VCAN: variants seen among roughly 807,000 people sequenced by gnomAD.
VCAN encodes the protein versican, also known as versican core protein.
Under a neutral mutation model 245.5 loss-of-function variants are expected in VCAN, and 44 were observed. The ratio of observed to expected loss-of-function variants is 0.18; its 90% CI spans 0.14 to 0.23. The LOEUF is 0.23. Ranked by LOEUF, VCAN falls within the 10% of genes least tolerant of loss-of-function variation. VCAN has a pLI of 1.00. For missense variants in VCAN, 3,793 were observed against 4,057.9 expected (o/e 0.93, Z 1.77); for synonymous variants, 1,413 against 1,437.0 (o/e 0.98, Z 0.38).
chr5:83,490,226 T>G lies in VCAN; in HGVS notation c.199T>G (p.Ser67Ala). ...NTSEFLRIKW[S>A]KIEVDKNGKD... Reference sequence around the variant, plus strand: ...CAGTGAATTTCTCCGCATCAAATGGTCTAAGATTGAAGTGGACAAAAATGG... The same window carrying G: ...CAGTGAATTTCTCCGCATCAAATGGGCTAAGATTGAAGTGGACAAAAATGG... The change falls in exon 3 of 15, where the codon TCT becomes GCT. Residue 67 changes from serine to alanine, a missense_variant. Around this residue, in one of 5 missense-constraint regions of VCAN, gnomAD observed 179 missense variants for 169.7 expected, o/e 1.05. Transcript: ENST00000265077. 6.2e-7 allele frequency: 1 copy of G among 1,614,100 alleles called. No individual in the cohort carries two copies. The highest frequency in any genetic ancestry group is 8.5e-7 in the Non-Finnish European group (1 of 1,180,012).
chr5:83,494,351 C>G (rs1417692112), intron 5 of VCAN, among the ~76,000 whole-genome samples: 1 of 152,192 alleles, frequency 6.6e-6, no homozygotes, highest in Non-Finnish European at 1.5e-5. Flanking sequence ...ACTAGCCCAG[C>G]AGGAATTTTC....
chr5:83,490,055 G>A (rs1744925655), intron 2 of VCAN, 43 bp from the exon 3 acceptor site: 2 of 1,611,196 alleles, frequency 1.2e-6, no homozygotes. Context: ...ATTAAGTTTG[G>A]GTTTTTTAAG....
At chr5:83,551,248 C>T (rs1254971138) in intron 10 of VCAN, among the ~76,000 whole-genome samples, 1 of 152,016 alleles carries the variant, frequency 6.6e-6, no homozygotes, top group Non-Finnish European at 1.5e-5. Context: ...CGATAGCTCA[C>T]GCCTATAATC....
intron 12 of VCAN, among the ~76,000 whole-genome samples, chr5:83,558,205 G>A (rs951760232): frequency 1.3e-5 from 2 of 152,142 alleles, no homozygotes; most frequent in East Asian, 1.9e-4. Context: ...TCCCCTTAAC[G>A]GGTTCCATAT....
At position 83,520,430 on chromosome 5, in the gene VCAN, T is replaced by C. The variant is rs1042158458; in HGVS notation, c.2124T>C (p.Thr708=). The change falls in exon 7 of 15, where the codon ACT becomes ACC. Residue 708 remains threonine, a synonymous_variant. Transcript: ENST00000265077. The part of the protein sequence containing the change: ...TYTDEIQEEI[T]KSPFMGKTEE... ...CAGATGAAATACAAGAAGAGATCAC[T>C]AAAAGTCCATTTATGGGAAAAACAG... The C allele has an allele frequency of 3.1e-6, 5 of 1,613,860 alleles. No individual in the cohort carries two copies. Among genetic ancestry groups the C allele is most frequent in the Non-Finnish European group, 2.5e-6 (3 of 1,179,934 alleles).
chr5:83,481,011 T>A (rs1033999310), intron 1 of VCAN, among the ~76,000 whole-genome samples: 1 of 152,116 alleles, frequency 6.6e-6, no homozygotes, highest in African/African-American at 2.4e-5. Flanking sequence ...AACTAAGTAG[T>A]GACAGAAAAT....
intron 1 of VCAN, among the ~76,000 whole-genome samples, chr5:83,477,746 T>C (rs1332645035): frequency 6.6e-6 from 1 of 152,122 alleles, no homozygotes; most frequent in Non-Finnish European, 1.5e-5. Context: ...TGGACTTTTA[T>C]GAATAACTTT....
At chr5:83,553,587 G>A in intron 11 of VCAN, 65 bp downstream of exon 11, 1 of 1,604,932 alleles carries the variant, frequency 6.2e-7, no homozygotes, top group African/African-American at 1.3e-5. Flanking sequence ...AGTTTTGTCT[G>A]TGTGCAAGTG....
chr5:83,486,330 T>C (rs748434091), intron 2 of VCAN, among the ~76,000 whole-genome samples: 17 of 152,188 alleles, frequency 1.1e-4, no homozygotes, highest in Non-Finnish European at 2.1e-4. Flanking sequence ...CTTAGTCATT[T>C]TGTGTGTTGA....
rs758097509 is a variant in VCAN at position 83,490,328 on chromosome 5, G to T, written c.301G>T (p.Val101Leu). ...IKIGQDYKGR[V>L]SVPTHPEAVG... is the part of the protein sequence containing the mutation. Reference sequence around the variant, plus strand: ...GATTGGTCAGGACTACAAAGGGAGAGTGTCTGTGCCCACACATCCCGAGGC... The same window carrying T: ...GATTGGTCAGGACTACAAAGGGAGATTGTCTGTGCCCACACATCCCGAGGC... The change falls in exon 3 of 15, where the codon GTG becomes TTG. Residue 101 changes from valine (V) to leucine (L), a missense_variant. Physicochemically the swap from Val to Leu is conservative, Grantham distance 32. Transcript: ENST00000265077. 1.3e-5 allele frequency: 21 copies of T among 1,614,214 alleles called. No individual in the cohort carries two copies. Among genetic ancestry groups the T allele is most frequent in the Middle Eastern group, 3.3e-4 (2 of 6,062 alleles).
intron 5 of VCAN, among the ~76,000 whole-genome samples, chr5:83,497,363 C>T (rs1422660883): frequency 6.6e-6 from 1 of 151,944 alleles, no homozygotes; most frequent in African/African-American, 2.4e-5. Context: ...TAAATTAAAT[C>T]CTGCTAGTTT....
intron 6 of VCAN, among the ~76,000 whole-genome samples, chr5:83,514,016 C>G (rs1167486154): frequency 2.0e-5 from 3 of 152,124 alleles, no homozygotes; most frequent in African/African-American, 7.2e-5. Context: ...CAAAGCCTGT[C>G]TGTAGCCACA....
chr5:83,577,650 T>C (rs1427100648), intron 13 of VCAN, among the ~76,000 whole-genome samples: 3 of 152,210 alleles, frequency 2.0e-5, no homozygotes, highest in African/African-American at 7.2e-5. Context: ...TTCTATAGTT[T>C]CTAAATGTTT....
At position 83,539,837 on chromosome 5, in the gene VCAN, A is replaced by G. The variant is rs781637490; in HGVS notation, c.6834A>G (p.Gln2278=). ...TESVNFTEVE[Q]INNTLYPHTS... ...CAGTGAATTTTACTGAAGTGGAACAAATCAATAACACATTATATCCCCACA... is the reference window on the plus strand; with the variant it reads ...CAGTGAATTTTACTGAAGTGGAACAGATCAATAACACATTATATCCCCACA... The change falls in exon 8 of 15, where the codon CAA becomes CAG. Residue 2278 remains glutamine, a synonymous_variant. Coordinates refer to ENST00000265077, the MANE Select transcript of VCAN (RefSeq NM_004385.5). The G allele has an allele frequency of 2.5e-6, 4 of 1,614,058 alleles. No individual in the cohort carries two copies. The highest frequency in any genetic ancestry group is 2.7e-5 in the African/African-American group (2 of 75,052).
At chr5:83,502,655 T>G (rs1459532120) in intron 5 of VCAN, among the ~76,000 whole-genome samples, 2 of 152,220 alleles carry the variant, frequency 1.3e-5, no homozygotes, top group Non-Finnish European at 2.9e-5. Flanking sequence ...AGGTAAGATC[T>G]TGTGTAATAA....
chr5:83,522,399 T>C, intron 7 of VCAN, 90 bp downstream of exon 7: 1 of 1,370,202 alleles, frequency 7.3e-7, no homozygotes, highest in Admixed American at 1.8e-5. Flanking sequence ...ACATACCAAA[T>C]GCTGCTATTA....
rs1746893195 is a variant in VCAN at position 83,539,820 on chromosome 5, T to C, written c.6817T>C (p.Phe2273Leu). Residue 2273 changes from phenylalanine to leucine, a missense_variant, in exon 8 of 15, where the codon TTT becomes CTT. Physicochemically the swap from Phe to Leu is conservative, Grantham distance 22 (BLOSUM62 0). This residue lies in a region of VCAN where 3,182 missense variants were observed against 3,250.3 expected (regional missense o/e 0.98). Coordinates refer to ENST00000265077, the MANE Select transcript of VCAN (RefSeq NM_004385.5). ...LPTLPTESVN[F>L]TEVEQINNTL... is the part of the protein sequence containing the mutation. ...TACTCTACCAACAGAGTCAGTGAAT[T>C]TTACTGAAGTGGAACAAATCAATAA... 5 of 1,613,954 alleles carry C rather than the reference T, an allele frequency of 3.1e-6. No homozygotes were observed. The highest frequency in any genetic ancestry group is 4.2e-6 in the Non-Finnish European group (5 of 1,179,968).
At chr5:83,513,059 C>T (rs1745716555) in intron 6 of VCAN, 1 of 151,982 alleles carries the variant, frequency 6.6e-6, no homozygotes, top group Non-Finnish European at 1.5e-5. Flanking sequence ...TTTTAAATAA[C>T]ATTTCTCAAC....
At chr5:83,528,692 G>C (rs145835425) in intron 7 of VCAN, among the ~76,000 whole-genome samples, 1 of 152,018 alleles carries the variant, frequency 6.6e-6, no homozygotes, top group Non-Finnish European at 1.5e-5. Context: ...CACTTACAAA[G>C]TTAAATGGCA....
Sources: gnomAD v4.1 joint callset for allele counts (sites outside exome capture counted in the v4.1 genomes callset) on GRCh38, gnomAD v4.1.1 for gene constraint, gnomAD v4.1.1 regional missense constraint, MANE v1.5 for transcripts, NCBI Gene and HGNC (gene_info 2026-07-23, HGNC 2026-07-21) for gene names.